The following USH2A variants were observed in gnomAD, a reference collection of about 807,000 sequenced individuals.
The protein encoded by USH2A is Usher syndrome 2A (autosomal recessive, mild).
Under a neutral mutation model 538.9 loss-of-function variants are expected in USH2A, and 443 were observed. That is an observed-to-expected ratio of 0.82 (90% CI 0.76 to 0.89). The LOEUF (loss-of-function observed/expected upper bound fraction) is 0.89, where lower values mean the gene tolerates loss of function less well. USH2A is among the 40% of genes least tolerant of loss of function. USH2A has a pLI of 0.00. For missense variants in USH2A, 6,633 were observed against 6,324.8 expected, an observed-to-expected ratio of 1.05 and a Z score of -1.65; for synonymous variants, 2,413 against 2,273.5, an observed-to-expected ratio of 1.06 and a Z score of -1.75.
chr1:216,070,396 A>G, intron 29 of USH2A, 104 bp from the exon 30 acceptor site: 1 of 1,034,592 alleles, frequency 9.7e-7, no homozygotes, highest in Admixed American at 1.9e-5. Flanking sequence ...CTCAACCATT[A>G]GCATAAATAC....
At chr1:215,919,235 T>G (rs2102486992) in intron 38 of USH2A, among the ~76,000 whole-genome samples, 1 of 152,256 alleles carries the variant, frequency 6.6e-6, no homozygotes, top group South Asian at 2.1e-4. Context: ...AGCCATTAAA[T>G]AATGGAGTTC....
At chr1:215,950,194 G>A (rs1206752088) in intron 37 of USH2A, among the ~76,000 whole-genome samples, 1 of 152,074 alleles carries the variant, frequency 6.6e-6, no homozygotes, top group African/African-American at 2.4e-5. Context: ...GTAGAAGTAT[G>A]TGTTAACAAT....
rs768417621 is a variant in USH2A, at chr1:216,024,567, A to AT, written c.6325+21863dup. 3.3e-5 allele frequency among the ~76,000 whole-genome samples: 5 copies of AT among 152,182 alleles called. 1 individual carries two copies. Among genetic ancestry groups the AT allele is most frequent in the African/African-American group, 9.6e-5 (4 of 41,574 alleles). ...TGTAATTATGTAAATTCCAGTATAG[A>AT]TTTTTTCAACTAAATCTAAAACATA... On this transcript the variant is annotated intron_variant, in intron 32 of 71. Coordinates refer to ENST00000307340, the MANE Select transcript of USH2A (RefSeq NM_206933.4).
At chr1:215,961,304 T>C (rs1416726182) in intron 37 of USH2A, among the ~76,000 whole-genome samples, 2 of 151,742 alleles carry the variant, frequency 1.3e-5, no homozygotes, top group African/African-American at 4.8e-5. Context: ...AAATCATGTA[T>C]AATTATAAAA....
intron 21 of USH2A, among the ~76,000 whole-genome samples, chr1:216,166,555 C>T (rs192840648): frequency 2.1e-3 from 313 of 152,202 alleles, no homozygotes; most frequent in African/African-American, 5.4e-3. Flanking sequence ...TAGGTCTGGA[C>T]TAGGCAGTAG....
At chr1:216,075,689 T>C (rs1350815986) in intron 27 of USH2A, among the ~76,000 whole-genome samples, 3 of 152,186 alleles carry the variant, frequency 2.0e-5, no homozygotes, top group African/African-American at 7.2e-5. Context: ...GACCCAGTCA[T>C]GCCCAACCTA....
At chr1:216,327,252 T>C in intron 5 of USH2A, among the ~76,000 whole-genome samples, 1 of 152,172 alleles carries the variant, frequency 6.6e-6, no homozygotes, top group East Asian at 1.9e-4. Context: ...AAAAGGCAGA[T>C]GTAGAAGTTT....
intron 49 of USH2A, among the ~76,000 whole-genome samples, chr1:215,811,237 G>C (rs115135688): frequency 6.6e-6 from 1 of 152,158 alleles, no homozygotes; most frequent in Non-Finnish European, 1.5e-5. Context: ...CCTTGCTTGG[G>C]GGGCAGAGCA....
chr1:216,114,359 G>T (rs942314552), intron 21 of USH2A, among the ~76,000 whole-genome samples: 4 of 151,796 alleles, frequency 2.6e-5, no homozygotes, highest in Non-Finnish European at 5.9e-5. Context: ...TTACACATGG[G>T]TTATATCATC....
intron 60 of USH2A, among the ~76,000 whole-genome samples, chr1:215,729,108 T>G (rs1659917252): frequency 6.6e-6 from 1 of 152,160 alleles, no homozygotes; most frequent in African/African-American, 2.4e-5. Flanking sequence ...GCAAATATGA[T>G]GATTGCAGAG....
intron 37 of USH2A, among the ~76,000 whole-genome samples, chr1:215,960,413 A>G (rs1379875584): frequency 1.3e-5 from 2 of 152,106 alleles, no homozygotes; most frequent in African/African-American, 4.8e-5. Flanking sequence ...CCTGTTATCT[A>G]TAATTTAAAT....
At chr1:216,125,628 T>C (rs551793545) in intron 21 of USH2A, among the ~76,000 whole-genome samples, 92 of 152,350 alleles carry the variant, frequency 6.0e-4, no homozygotes, top group African/African-American at 2.2e-3. Flanking sequence ...TAAAGTTGCC[T>C]CTGGATAAAC....
At chr1:216,136,612 A>G (rs930031490) in intron 21 of USH2A, among the ~76,000 whole-genome samples, 2 of 152,110 alleles carry the variant, frequency 1.3e-5, no homozygotes, top group African/African-American at 4.8e-5. Context: ...ACCCACTCAT[A>G]CCTCAGAATA....
At chr1:216,184,270 A>C (rs560996296) in intron 20 of USH2A, among the ~76,000 whole-genome samples, 1 of 152,160 alleles carries the variant, frequency 6.6e-6, no homozygotes, top group South Asian at 2.1e-4. Flanking sequence ...TCAAAGGTGA[A>C]GCAAATTCAT....
At chr1:215,655,620 A>G (rs1657215301) in intron 64 of USH2A, among the ~76,000 whole-genome samples, 1 of 152,272 alleles carries the variant, frequency 6.6e-6, no homozygotes, top group East Asian at 1.9e-4. Context: ...GTGAATGGGA[A>G]AGAGAAGGGA....
intron 60 of USH2A, among the ~76,000 whole-genome samples, chr1:215,735,431 G>A (rs1323173612): frequency 6.6e-6 from 1 of 152,072 alleles, no homozygotes; most frequent in African/African-American, 2.4e-5. Flanking sequence ...TTCTTGATCA[G>A]ACTTTGATTA....
chr1:216,353,371 C>T lies in USH2A; in HGVS notation c.784+11582G>A, dbSNP rs538049805. On this transcript the variant is annotated intron_variant, in intron 4 of 71. Coordinates refer to ENST00000307340, the MANE Select transcript of USH2A (RefSeq NM_206933.4). ...GGGGCACCGAGATTAAACGATGCCACATGATCATTAGTGAAACAAGATCCA... is the reference window on the plus strand; with the variant it reads ...GGGGCACCGAGATTAAACGATGCCATATGATCATTAGTGAAACAAGATCCA... Among the ~76,000 whole-genome samples the T allele has an allele frequency of 1.6e-4, 25 of 151,854 alleles. No homozygotes were observed. In the South Asian group the frequency reaches 1.7e-3, roughly 10 times the overall value.
intron 50 of USH2A, among the ~76,000 whole-genome samples, chr1:215,794,944 G>A (rs1662084577): frequency 6.6e-6 from 1 of 152,184 alleles, no homozygotes; most frequent in Non-Finnish European, 1.5e-5. Context: ...AGGAAAACAA[G>A]TTAAGAACCA....
intron 32 of USH2A, among the ~76,000 whole-genome samples, chr1:216,042,260 C>T (rs1558227295): frequency 6.6e-6 from 1 of 151,910 alleles, no homozygotes; most frequent in African/African-American, 2.4e-5. Context: ...GAAGGAATTC[C>T]ATCAAATATT....
Sources: allele counts gnomAD v4.1 joint callset (sites outside exome capture counted in the v4.1 genomes callset), GRCh38; gene constraint gnomAD v4.1.1; transcripts MANE v1.5; gene names NCBI Gene and HGNC (gene_info 2026-07-23, HGNC 2026-07-21).